Variants in IKZF1 observed in about 807,000 individuals in gnomAD.
The protein encoded by IKZF1 is IKAROS family zinc finger 1.
Under a neutral mutation model 51.7 loss-of-function variants are expected in IKZF1, and 10 were observed. That is an observed-to-expected ratio of 0.19 (90% CI 0.12 to 0.33). The LOEUF (loss-of-function observed/expected upper bound fraction) is 0.33, where lower values mean the gene tolerates loss of function less well. Ranked by LOEUF, IKZF1 falls within the 10% of genes least tolerant of loss-of-function variation. IKZF1 has a pLI of 1.00. For synonymous variants in IKZF1, 280 were observed against 282.3 expected (o/e 0.99, Z 0.08); for missense variants, 484 against 707.5 (o/e 0.68, Z 3.58).
chr7:50,354,736 A>G (rs1305166567), intron 3 of IKZF1, among the ~76,000 whole-genome samples: 1 of 151,574 alleles, frequency 6.6e-6, no homozygotes, highest in Non-Finnish European at 1.5e-5. Context: ...AAAGTAACCA[A>G]CCCATACCGT....
chr7:50,372,061 A>G (rs1808840596), intron 3 of IKZF1, among the ~76,000 whole-genome samples: 1 of 152,218 alleles, frequency 6.6e-6, no homozygotes, highest in Non-Finnish European at 1.5e-5. Context: ...ATTTTGAGAT[A>G]CAATCTGTAG....
chr7:50,369,645 C>A (rs1340578983), intron 3 of IKZF1: 2 of 398,312 alleles, frequency 5.0e-6, no homozygotes, highest in Non-Finnish European at 8.8e-6. Context: ...GAAGAATTGC[C>A]CCCTTTGCCC....
intron 3 of IKZF1, among the ~76,000 whole-genome samples, chr7:50,354,250 A>T (rs1011076413): frequency 1.8e-4 from 28 of 152,314 alleles, no homozygotes; most frequent in Middle Eastern, 3.4e-3. Flanking sequence ...GAAGAGGAGG[A>T]TGAAAATGGA....
chr7:50,391,539 G>A (rs896104559), intron 6 of IKZF1, among the ~76,000 whole-genome samples, 190 bp from the exon 7 acceptor site: 12 of 152,360 alleles, frequency 7.9e-5, no homozygotes, highest in African/African-American at 2.9e-4. Context: ...AGCATTTGCA[G>A]GTGGCTGGTC....
At chr7:50,360,260 C>G (rs1415438721) in intron 3 of IKZF1, among the ~76,000 whole-genome samples, 1 of 151,996 alleles carries the variant, frequency 6.6e-6, no homozygotes, top group Non-Finnish European at 1.5e-5. Context: ...GAGGCTGACA[C>G]CCTGCCAGCC....
chr7:50,400,325 C>G lies in IKZF1; in HGVS notation c.1258C>G (p.Pro420Ala). The G allele has an allele frequency of 6.2e-7, 1 of 1,613,046 alleles. No individual in the cohort carries two copies. Among genetic ancestry groups the G allele is most frequent in the Non-Finnish European group, 8.5e-7 (1 of 1,179,720 alleles). ...CATCTACCTGACCAACCACATCGCC[C>G]CGCACGCGCGCAACGGGCTGTCGCT... ...GLIYLTNHIA[P>A]HARNGLSLKE... The change falls in exon 8 of 8, where the codon CCG (proline) becomes GCG (alanine). Residue 420 changes from proline to alanine, a missense_variant. By Grantham distance (27) the Pro-to-Ala change is conservative. Transcript: ENST00000331340. This position sits in a 1 kb window ranked among gnomAD's most constrained non-coding sequence, Gnocchi z 5.4.
At chr7:50,357,606 C>A (rs572274586) in intron 3 of IKZF1, among the ~76,000 whole-genome samples, 2 of 152,310 alleles carry the variant, frequency 1.3e-5, no homozygotes, top group Admixed American at 1.3e-4. Flanking sequence ...TGCAACATCC[C>A]TGGACAGATC....
intron 7 of IKZF1, among the ~76,000 whole-genome samples, chr7:50,398,937 T>C (rs1306440736): frequency 2.6e-5 from 4 of 152,238 alleles, no homozygotes; most frequent in Non-Finnish European, 5.9e-5. Flanking sequence ...CAAGAAAATT[T>C]ATTTTTTGTA....
At chr7:50,324,759 A>C (rs1210486916) in intron 2 of IKZF1, among the ~76,000 whole-genome samples, 3 of 152,180 alleles carry the variant, frequency 2.0e-5, no homozygotes, top group South Asian at 2.1e-4. Context: ...ACAGCAGTTA[A>C]ATTTTTTAAT....
At chr7:50,335,921 G>A (rs941534706) in intron 3 of IKZF1, among the ~76,000 whole-genome samples, 1 of 151,978 alleles carries the variant, frequency 6.6e-6, no homozygotes, top group African/African-American at 2.4e-5. Context: ...TCATTGTGAG[G>A]TGAGGGCGCC....
intron 3 of IKZF1, among the ~76,000 whole-genome samples, chr7:50,341,908 A>T (rs1799155095): frequency 6.6e-6 from 1 of 151,952 alleles, no homozygotes; most frequent in Admixed American, 6.6e-5. Context: ...ACATGCAGCT[A>T]GGGGTTACCT....
chr7:50,394,915 T>G (rs1039872294), intron 7 of IKZF1, among the ~76,000 whole-genome samples: 1 of 152,342 alleles, frequency 6.6e-6, no homozygotes, highest in East Asian at 1.9e-4. Flanking sequence ...GCAATGATAA[T>G]TGTTGTTTTT....
Position 50,367,982 on chromosome 7 carries a change from T to C in IKZF1, c.161-8551T>C. On this transcript the variant is annotated intron_variant, in intron 3 of 7. Coordinates refer to ENST00000331340, the MANE Select transcript of IKZF1 (RefSeq NM_006060.6). ...TCTCTCCTGGTATCACAACCCAGCT[T>C]TCTTTTTGCCTTCTTTATTGCAGTT... 4.5e-6 allele frequency: 3 copies of C among 665,932 alleles called. No individual in the cohort carries two copies. In the East Asian group the frequency reaches 8.1e-5, roughly 18 times the overall value. 41.3% of individuals were successfully genotyped at this position (665,932 alleles called of 1,614,324 possible).
intron 7 of IKZF1, among the ~76,000 whole-genome samples, chr7:50,393,166 G>A (rs114306804): frequency 5.3e-5 from 8 of 152,164 alleles, no homozygotes; most frequent in Non-Finnish European, 8.8e-5. Context: ...AGGGGAAGGG[G>A]TGGTGTCAGA....
At chr7:50,328,018 C>T (rs956812276) in intron 3 of IKZF1, 1 of 431,804 alleles carries the variant, frequency 2.3e-6, no homozygotes, top group Non-Finnish European at 4.2e-6. Flanking sequence ...AGGGACGCGT[C>T]TCTGTCACTG....
At position 50,319,144 on chromosome 7, in the gene IKZF1, A is replaced by G. The variant is rs757915345; in HGVS notation, c.40+43A>G. 12 of 1,585,668 alleles carry G rather than the reference A, an allele frequency of 7.6e-6. No homozygotes were observed. In the African/African-American group the frequency reaches 1.3e-4, roughly 18 times the overall value. On this transcript the variant is annotated intron_variant, in intron 2 of 7. Transcript: ENST00000331340. ...AGCTGTGTGGGAAGTTCATGAGAAA[A>G]GCTTCCCTGGGGCCGGAAGTCACAG...
At chr7:50,361,828 A>G (rs1246237852) in intron 3 of IKZF1, among the ~76,000 whole-genome samples, 2 of 152,100 alleles carry the variant, frequency 1.3e-5, no homozygotes, top group African/African-American at 4.8e-5. Context: ...GTGAGCCAAG[A>G]TCATGCCACT....
Position 50,376,927 on chromosome 7 carries a change from G to A in IKZF1, c.421+134G>A. ...GGTAGCTCAGTTGTTGCAAGCGATT[G>A]GTTCCAAGTGGTACCGAGTCATAGA... On this transcript the variant is annotated intron_variant, in intron 4 of 7. Coordinates refer to ENST00000331340, the MANE Select transcript of IKZF1 (RefSeq NM_006060.6). This position sits in a 1 kb window ranked among gnomAD's most constrained non-coding sequence, Gnocchi z 4.5. 1 of 1,422,750 alleles carries A rather than the reference G, an allele frequency of 7.0e-7. No homozygotes were observed. Among genetic ancestry groups the A allele is most frequent in the Non-Finnish European group, 9.3e-7 (1 of 1,069,650 alleles). The allele number at this position is 1,422,750 out of a possible 1,614,324, so 88.1% of individuals were successfully genotyped here.
At chr7:50,322,976 C>CCATAAA (rs1346487815) in intron 2 of IKZF1, among the ~76,000 whole-genome samples, 1 of 151,856 alleles carries the variant, frequency 6.6e-6, no homozygotes, top group Non-Finnish European at 1.5e-5. Flanking sequence ...AAGTTTGTTT[C>CCATAAA]CATAAACATA....
Sources: gnomAD v4.1 joint callset for allele counts (sites outside exome capture counted in the v4.1 genomes callset) on GRCh38, gnomAD v4.1.1 for gene constraint, Gnocchi (gnomAD v3.1) non-coding constraint, MANE v1.5 for transcripts, NCBI Gene and HGNC (gene_info 2026-07-23, HGNC 2026-07-21) for gene names.